The following TMEM131L variants were observed in gnomAD, a reference collection of about 807,000 sequenced individuals.
TMEM131L encodes the protein transmembrane 131 like, also known as transmembrane protein 131-like.
TMEM131L carries 54 observed loss-of-function variants against 192.2 expected under a neutral mutation model. The observed-to-expected ratio is 0.28, with a 90% CI of 0.23 to 0.35. The LOEUF is 0.35. Among genes scored for constraint, TMEM131L ranks in the 10% least tolerant of loss-of-function variants. The pLI, the probability that TMEM131L is intolerant of heterozygous loss-of-function variation, is 1.00. For missense variants in TMEM131L, 1,888 were observed against 1,972.9 expected (o/e 0.96, Z 0.82); for synonymous variants, 701 against 704.9 (o/e 0.99, Z 0.09).
chr4:153,635,347 C>T (rs1734494544), intron 33 of TMEM131L, 85 bp from the exon 34 acceptor site: 6 of 1,312,590 alleles, frequency 4.6e-6, no homozygotes, highest in African/African-American at 4.4e-5. Flanking sequence ...TATAGTGAGA[C>T]CTTGAAAGCT....
chr4:153,487,020 A>G (rs1580049012), intron 3 of TMEM131L, among the ~76,000 whole-genome samples: 1 of 152,278 alleles, frequency 6.6e-6, no homozygotes, highest in East Asian at 1.9e-4. Flanking sequence ...GGAACTCGCT[A>G]GACTGGCCGG....
chr4:153,487,768 A>ATG (rs1299805730), intron 3 of TMEM131L, among the ~76,000 whole-genome samples: 1 of 113,830 alleles, frequency 8.8e-6, no homozygotes, highest in East Asian at 2.9e-4. Context: ...GCTGAGCTGT[A>ATG]TGTGTGTGTG....
At chr4:153,580,627 G>A (rs1400966732) in intron 7 of TMEM131L, among the ~76,000 whole-genome samples, 199 bp from the exon 8 acceptor site, 2 of 152,176 alleles carry the variant, frequency 1.3e-5, no homozygotes, top group Non-Finnish European at 2.9e-5. Context: ...CTCAGTGACA[G>A]TCCTGAGAAC....
intron 5 of TMEM131L, among the ~76,000 whole-genome samples, chr4:153,556,304 A>G (rs898416648): frequency 1.3e-5 from 2 of 152,210 alleles, no homozygotes; most frequent in African/African-American, 2.4e-5. Flanking sequence ...TCTCAAGCCT[A>G]CTAGGAAAGT....
chr4:153,632,608 T>C, intron 31 of TMEM131L, 110 bp from the exon 32 acceptor site: 2 of 1,185,412 alleles, frequency 1.7e-6, no homozygotes, highest in Non-Finnish European at 1.2e-6. Flanking sequence ...TTAGTCAGCA[T>C]GTGTGGGTGA....
Position 153,604,446 on chromosome 4 carries a change from C to T in TMEM131L, c.3418+16C>T. 2 of 1,583,122 alleles carry T rather than the reference C, an allele frequency of 1.3e-6. No individual in the cohort carries two copies. Among genetic ancestry groups the T allele is most frequent in the African/African-American group, 1.4e-5 (1 of 73,554 alleles). ...AAAAATAATGGTAATCTTTTCATCC[C>T]CTTTGATAATTCTCTCCTGTTTGTA... is the stretch of plus-strand genomic sequence containing the variant. On this transcript the variant is annotated intron_variant, in intron 25 of 34. Coordinates refer to ENST00000409959, the MANE Select transcript of TMEM131L (RefSeq NM_001131007.2).
intron 31 of TMEM131L, 55 bp downstream of exon 31, chr4:153,627,742 A>G: frequency 2.1e-6 from 3 of 1,442,690 alleles, no homozygotes; most frequent in African/African-American, 1.4e-5. Flanking sequence ...TGCTGTCTGT[A>G]TTCCTGGCTG....
Position 153,589,335 on chromosome 4 carries a change from A to G in TMEM131L, c.1670+328A>G, listed in dbSNP as rs77788927. ...GAATTGTCAGCATCACTCTTCTTGC[A>G]CTTTAAAGCCATTATTAAGTCAAAT... On this transcript the variant is annotated intron_variant, in intron 16 of 34. Coordinates refer to ENST00000409959, the MANE Select transcript of TMEM131L (RefSeq NM_001131007.2). Among the ~76,000 whole-genome samples, 770 of 152,230 alleles carry G rather than the reference A, an allele frequency of 5.1e-3. 5 individuals are homozygous for G. Among genetic ancestry groups the G allele is most frequent in the Non-Finnish European group, 8.9e-3 (603 of 68,022 alleles).
At chr4:153,517,744 G>C (rs1020946490) in intron 3 of TMEM131L, among the ~76,000 whole-genome samples, 3 of 152,214 alleles carry the variant, frequency 2.0e-5, no homozygotes, top group South Asian at 4.1e-4. Context: ...CTTGTGTGCA[G>C]TGTCTGTGTA....
intron 9 of TMEM131L, among the ~76,000 whole-genome samples, 200 bp from the exon 10 acceptor site, chr4:153,582,990 T>A (rs983159419): frequency 2.0e-5 from 3 of 152,044 alleles, no homozygotes; most frequent in Non-Finnish European, 4.4e-5. Context: ...TATGAGGATC[T>A]TTTTTCTTGT....
intron 7 of TMEM131L, among the ~76,000 whole-genome samples, chr4:153,569,548 C>T (rs938400093): frequency 6.6e-6 from 1 of 152,146 alleles, no homozygotes; most frequent in South Asian, 2.1e-4. Context: ...TAAAATATGG[C>T]AGTAGAAAAT....
At chr4:153,525,150 A>G (rs1435930686) in intron 3 of TMEM131L, among the ~76,000 whole-genome samples, 1 of 152,188 alleles carries the variant, frequency 6.6e-6, no homozygotes, top group African/African-American at 2.4e-5. Flanking sequence ...ATACATAATG[A>G]TTATTCTCCT....
intron 3 of TMEM131L, among the ~76,000 whole-genome samples, chr4:153,513,544 G>A (rs1483780808): frequency 2.6e-5 from 4 of 152,178 alleles, no homozygotes; most frequent in African/African-American, 9.7e-5. Context: ...GCACAGAGCT[G>A]CAGAAGCTGT....
At chr4:153,632,148 A>G (rs1471775573) in intron 31 of TMEM131L, among the ~76,000 whole-genome samples, 1 of 152,162 alleles carries the variant, frequency 6.6e-6, no homozygotes, top group African/African-American at 2.4e-5. Flanking sequence ...CCCTGTCTCT[A>G]CTAAAAATAT....
At chr4:153,513,966 T>G (rs1211914952) in intron 3 of TMEM131L, among the ~76,000 whole-genome samples, 1 of 152,226 alleles carries the variant, frequency 6.6e-6, no homozygotes, top group Non-Finnish European at 1.5e-5. Flanking sequence ...TTCATAACAT[T>G]TTTTAGGAAA....
At chr4:153,542,908 G>T (rs749890240) in intron 3 of TMEM131L, among the ~76,000 whole-genome samples, 5 of 152,186 alleles carry the variant, frequency 3.3e-5, no homozygotes, top group East Asian at 1.9e-4. Flanking sequence ...TCCTTGGATA[G>T]TGTGGATGCA....
intron 26 of TMEM131L, among the ~76,000 whole-genome samples, chr4:153,615,125 G>C (rs1276349551): frequency 6.6e-6 from 1 of 152,204 alleles, no homozygotes; most frequent in Non-Finnish European, 1.5e-5. Flanking sequence ...TATTCGGTTA[G>C]TTATTTAACA....
intron 26 of TMEM131L, among the ~76,000 whole-genome samples, chr4:153,618,123 T>A (rs1433073245): frequency 6.6e-6 from 1 of 152,190 alleles, no homozygotes; most frequent in African/African-American, 2.4e-5. Flanking sequence ...TTTCTCTTCT[T>A]TGATTTCTTC....
chr4:153,598,658 G>T lies in TMEM131L; in HGVS notation c.2192G>T (p.Gly731Val), dbSNP rs749934917. 1 of 1,613,892 alleles carries T rather than the reference G, an allele frequency of 6.2e-7. No homozygotes were observed. The highest frequency in any genetic ancestry group is 1.3e-5 in the African/African-American group (1 of 74,896). Reference protein sequence around the residue: ...GFGARELLKVGGRLPGAGGSL... With the variant: ...GFGARELLKVVGRLPGAGGSL... Reference sequence around the variant, plus strand: ...GGAGCAAGAGAGTTATTAAAAGTGGGTGGAAGACTTCCTGGTGCAGGAGGC... The same window carrying T: ...GGAGCAAGAGAGTTATTAAAAGTGGTTGGAAGACTTCCTGGTGCAGGAGGC... The change falls in exon 21 of 35, where the codon GGT becomes GTT. Residue 731 changes from glycine to valine, a missense_variant. Gly to Val is a moderately radical substitution (Grantham distance 109). Transcript: ENST00000409959.
Sources: gnomAD v4.1 joint callset for allele counts (sites outside exome capture counted in the v4.1 genomes callset) on GRCh38, gnomAD v4.1.1 for gene constraint, MANE v1.5 for transcripts, NCBI Gene and HGNC (gene_info 2026-07-23, HGNC 2026-07-21) for gene names.